The following CNTLN variants were observed in gnomAD, a reference collection of about 807,000 sequenced individuals.
The protein encoded by CNTLN is centlein.
CNTLN carries 212 observed loss-of-function variants against 180.0 expected under a neutral mutation model. The observed-to-expected ratio is 1.18, with a 90% CI of 1.05 to 1.32. The LOEUF (loss-of-function observed/expected upper bound fraction) is 1.32, where lower values mean the gene tolerates loss of function less well. Among genes scored for constraint, CNTLN ranks in the 40% most tolerant of loss-of-function variants. The probability of loss-of-function intolerance (pLI) is 0.00; values close to 1 mark genes in which losing one functional copy is unlikely to be tolerated. For synonymous variants in CNTLN, 722 were observed against 563.1 expected, an observed-to-expected ratio of 1.28 and a Z score of -3.99; for missense variants, 2,095 against 1,610.9, an observed-to-expected ratio of 1.30 and a Z score of -5.14.
chr9:17,182,891 A>T (rs1821207412), intron 2 of CNTLN, among the ~76,000 whole-genome samples: 1 of 152,198 alleles, frequency 6.6e-6, no homozygotes, highest in African/African-American at 2.4e-5. Flanking sequence ...AGTCATGTGA[A>T]TTCTAGTGGG....
At chr9:17,261,573 G>T (rs1175052717) in intron 5 of CNTLN, among the ~76,000 whole-genome samples, 1 of 151,348 alleles carries the variant, frequency 6.6e-6, no homozygotes, top group African/African-American at 2.4e-5. Flanking sequence ...GACTTTTGGT[G>T]GAATTTGTAG....
chr9:17,295,893 A>G (rs2132758180), intron 6 of CNTLN, among the ~76,000 whole-genome samples: 1 of 152,154 alleles, frequency 6.6e-6, no homozygotes, highest in Admixed American at 6.5e-5. Flanking sequence ...GGTGGTAGAG[A>G]AAAATGTGCT....
At chr9:17,436,092 T>C (rs1175974475) in intron 18 of CNTLN, among the ~76,000 whole-genome samples, 1 of 152,224 alleles carries the variant, frequency 6.6e-6, no homozygotes, top group Non-Finnish European at 1.5e-5. Flanking sequence ...TTATAAACAA[T>C]TTAAAAGCAA....
chr9:17,466,849 G>C lies in CNTLN; in HGVS notation c.3813G>C (p.Leu1271=). The C allele has an allele frequency of 6.2e-7, 1 of 1,610,116 alleles. No individual in the cohort carries two copies. The highest frequency in any genetic ancestry group is 8.5e-7 in the Non-Finnish European group (1 of 1,177,370). The change falls in exon 23 of 26, where the codon CTG becomes CTC. Residue 1271 remains leucine (L), a synonymous_variant. Coordinates refer to ENST00000380647, the MANE Select transcript of CNTLN (RefSeq NM_017738.4). ...QVLEGAQKTL[L]LANEKVEEFT... Reference sequence around the variant, plus strand: ...TAGAAGGTGCACAGAAGACATTGCTGTTAGCCAATGAAAAAGTAGAAGAGT... The same window carrying C: ...TAGAAGGTGCACAGAAGACATTGCTCTTAGCCAATGAAAAAGTAGAAGAGT...
At chr9:17,302,089 TAC>T (rs35043839) in intron 7 of CNTLN, 277,089 of 854,638 alleles carry the variant, frequency 0.32, 6,494 homozygotes, top group Middle Eastern at 0.34. Flanking sequence ...CACATATGTG[TAC>T]ACACACACAC....
At chr9:17,521,265 A>AGAGAG in the CNTLN span, among the ~76,000 whole-genome samples, 12 of 118,504 alleles carry the variant, frequency 1.0e-4, no homozygotes, top group African/African-American at 2.2e-4. Flanking sequence ...AAGGGAGAAA[A>AGAGAG]AGAGAGAGAG....
intron 2 of CNTLN, among the ~76,000 whole-genome samples, chr9:17,178,125 A>G (rs564974373): frequency 6.6e-6 from 1 of 151,570 alleles, no homozygotes; most frequent in East Asian, 1.9e-4. Flanking sequence ...TGTATTTACA[A>G]TATCTTAGCT....
intron 6 of CNTLN, among the ~76,000 whole-genome samples, chr9:17,284,648 CTT>C (rs869091739): frequency 3.3e-5 from 3 of 90,582 alleles, no homozygotes; most frequent in Non-Finnish European, 5.3e-5. Flanking sequence ...ATTCTTTTCT[CTT>C]TTCTTATTAG....
At chr9:17,456,968 A>G (rs1831160893) in intron 18 of CNTLN, among the ~76,000 whole-genome samples, 1 of 152,176 alleles carries the variant, frequency 6.6e-6, no homozygotes, top group Admixed American at 6.6e-5. Flanking sequence ...AGGACTTTTC[A>G]ACAATCAATC....
intron 18 of CNTLN, among the ~76,000 whole-genome samples, chr9:17,452,297 G>A (rs1830832008): frequency 6.6e-6 from 1 of 152,158 alleles, no homozygotes; most frequent in Non-Finnish European, 1.5e-5. Context: ...TGATGGAGAA[G>A]GGATGCCTGA....
intron 18 of CNTLN, among the ~76,000 whole-genome samples, chr9:17,452,470 G>A (rs1022594336): frequency 5.9e-5 from 9 of 152,164 alleles, no homozygotes; most frequent in African/African-American, 2.2e-4. Context: ...AATACGGGGA[G>A]GGAAACAAGC....
intron 5 of CNTLN, among the ~76,000 whole-genome samples, chr9:17,264,311 C>T (rs1171913914): frequency 1.1e-3 from 173 of 151,286 alleles, no homozygotes; most frequent in East Asian, 5.9e-4. Context: ...ATCCTTTCCC[C>T]ATTGCTTGTT....
intron 6 of CNTLN, among the ~76,000 whole-genome samples, chr9:17,285,001 ATTT>A: frequency 6.9e-6 from 1 of 144,726 alleles, no homozygotes; most frequent in East Asian, 2.0e-4. Context: ...TTCTGCCTTA[ATTT>A]TTTTTTTTTT....
intron 10 of CNTLN, among the ~76,000 whole-genome samples, chr9:17,336,834 C>G (rs1035043988): frequency 6.6e-6 from 1 of 152,100 alleles, no homozygotes; most frequent in Non-Finnish European, 1.5e-5. Context: ...TTAGGTATTT[C>G]TCTAAATGCT....
chr9:17,259,663 G>T (rs1455698810), intron 5 of CNTLN, among the ~76,000 whole-genome samples: 2 of 150,842 alleles, frequency 1.3e-5, no homozygotes, highest in Non-Finnish European at 2.9e-5. Context: ...TCCTGTTATT[G>T]GTCTATTCAG....
chr9:17,416,217 A>G (rs749637026), intron 18 of CNTLN, 28 bp downstream of exon 18: 2 of 1,518,736 alleles, frequency 1.3e-6, no homozygotes, highest in South Asian at 2.3e-5. Flanking sequence ...ATTGAACAGT[A>G]GTATACTATA....
rs560597582 is a variant in CNTLN, at chr9:17,332,601, C to T, written c.1519-4C>T. The T allele has an allele frequency of 9.4e-6, 15 of 1,599,616 alleles. No homozygotes were observed. Among genetic ancestry groups the T allele is most frequent in the Admixed American group, 3.5e-5 (2 of 57,918 alleles). On this transcript the variant is annotated splice_polypyrimidine_tract_variant and splice_region_variant and intron_variant, in intron 9 of 25. Coordinates refer to ENST00000380647, the MANE Select transcript of CNTLN (RefSeq NM_017738.4). ...TTCAACCATGTCCTTGTTTTATTCTCGAGGAACCACCTGTGAAACGTTCAA... is the reference window on the plus strand; with the variant it reads ...TTCAACCATGTCCTTGTTTTATTCTTGAGGAACCACCTGTGAAACGTTCAA...
intron 2 of CNTLN, among the ~76,000 whole-genome samples, chr9:17,153,124 G>T (rs1330143882): frequency 6.6e-6 from 1 of 152,162 alleles, no homozygotes; most frequent in African/African-American, 2.4e-5. Context: ...TTGGCAGTCT[G>T]TGTCTTTTAA....
At chr9:17,386,583 A>G (rs1014928625) in intron 13 of CNTLN, among the ~76,000 whole-genome samples, 1 of 152,188 alleles carries the variant, frequency 6.6e-6, no homozygotes, top group East Asian at 1.9e-4. Context: ...GTTTCTTTCC[A>G]TGGCATGAGC....
Sources: gnomAD v4.1 joint callset for allele counts (sites outside exome capture counted in the v4.1 genomes callset) on GRCh38, gnomAD v4.1.1 for gene constraint, MANE v1.5 for transcripts, NCBI Gene and HGNC (gene_info 2026-07-23, HGNC 2026-07-21) for gene names.